The following RLBP1 variants were observed in gnomAD, a reference collection of about 807,000 sequenced individuals.
RLBP1 encodes retinaldehyde binding protein 1.
Under a neutral mutation model 36.2 loss-of-function variants are expected in RLBP1, and 26 were observed. That is an observed-to-expected ratio of 0.72 (90% confidence interval 0.53 to 1.00). The LOEUF (loss-of-function observed/expected upper bound fraction) is 1.00, where lower values mean the gene tolerates loss of function less well. Among genes scored for constraint, RLBP1 ranks in the 50% least tolerant of loss-of-function variants. The probability of loss-of-function intolerance (pLI) is 0.00; values close to 1 mark genes in which losing one functional copy is unlikely to be tolerated. For synonymous variants in RLBP1, 155 were observed against 156.2 expected, an observed-to-expected ratio of 0.99 and a Z score of 0.06; for missense variants, 410 against 402.4, an observed-to-expected ratio of 1.02 and a Z score of -0.16.
chr15:89,210,416 C>T lies in RLBP1; in HGVS notation c.823G>A (p.Gly275Ser). The T allele has an allele frequency of 6.2e-7, 1 of 1,614,234 alleles. No individual in the cohort carries two copies. The highest frequency in any genetic ancestry group is 8.5e-7 in the Non-Finnish European group (1 of 1,180,044). ...RVFVHGDDLS[G>S]FYQEIDENIL... Reference sequence around the variant, plus strand: ...TTCTCATCGATCTCCTGGTAGAAACCAGAAAGGTCATCCCCGTGGACAAAG... The same window carrying T: ...TTCTCATCGATCTCCTGGTAGAAACTAGAAAGGTCATCCCCGTGGACAAAG... Residue 275 changes from glycine to serine, a missense_variant, in exon 9 of 9, where the codon GGT (glycine) becomes AGT (serine). By Grantham distance (56) the Gly-to-Ser change is moderately conservative. Transcript: ENST00000268125. The surrounding 1 kb of genome is among the most constrained non-coding windows in gnomAD (Gnocchi z 4.7).
chr15:89,214,875 G>C lies in RLBP1; in HGVS notation c.525+185C>G, dbSNP rs1322717605. On this transcript the variant is annotated intron_variant, in intron 6 of 8. Transcript: ENST00000268125. The surrounding 1 kb of genome is among the most constrained non-coding windows in gnomAD (Gnocchi z 4.6). ...ACCTGCAAAGCTACTGGGTTTTCCA[G>C]CTGCCCTGGCACATCCTAGGAATTC... Among the ~76,000 whole-genome samples the C allele has an allele frequency of 6.6e-6, 1 of 152,204 alleles. No individual in the cohort carries two copies. The highest frequency in any genetic ancestry group is 1.5e-5 in the Non-Finnish European group (1 of 68,022).
chr15:89,220,843 C>A (rs559662972), intron 1 of RLBP1, among the ~76,000 whole-genome samples: 12 of 152,238 alleles, frequency 7.9e-5, no homozygotes, highest in Non-Finnish European at 1.6e-4. Flanking sequence ...CGTGCGGCAA[C>A]TCTTTTCTAA....
rs930837877 is a variant in RLBP1 at position 89,218,305 on chromosome 15, T to C, written c.141+260A>G. 6.6e-6 allele frequency among the ~76,000 whole-genome samples: 1 copy of C among 152,174 alleles called. No homozygotes were observed. On this transcript the variant is annotated intron_variant, in intron 4 of 8. Coordinates refer to ENST00000268125, the MANE Select transcript of RLBP1 (RefSeq NM_000326.5). This position sits in a 1 kb window ranked among gnomAD's most constrained non-coding sequence, Gnocchi z 4.6. ...CATTTCCAAACCAATGCTTCTCATA[T>C]TGAGTCTAGTTTAGAGGGCCCTAGT... is the stretch of plus-strand genomic sequence containing the variant.
rs2150968673 is a variant in RLBP1 at position 89,210,699 on chromosome 15, CCTCTCAAGCAGCTTG to C, written c.780_794del (p.Ser260_Glu264del). ...TTGTCTGGGCGGCCCACGTACTCAC[CCTCTCAAGCAGCTTG>C]CTCTTCAAGAAGGGCTTGACCACAT... On this transcript the variant is annotated inframe_deletion and splice_region_variant, in exon 8 of 9. Transcript: ENST00000268125. This position sits in a 1 kb window ranked among gnomAD's most constrained non-coding sequence, Gnocchi z 4.7. 5 of 1,588,120 alleles carry C rather than the reference CCTCTCAAGCAGCTTG, an allele frequency of 3.1e-6. No individual in the cohort carries two copies. Among genetic ancestry groups the C allele is most frequent in the Non-Finnish European group, 4.3e-6 (5 of 1,164,502 alleles).
In RLBP1 at chr15:89,219,105, T is replaced by C. The variant is rs1286246259; in HGVS notation, c.-100-30A>G. On this transcript the variant is annotated intron_variant, in intron 2 of 8. Transcript: ENST00000268125. Reference sequence around the variant, plus strand: ...AGGGGTTAGAAAAACCATTCTGTTATTGTCTCAGAACTGTGGATCTCAAAC... The same window carrying C: ...AGGGGTTAGAAAAACCATTCTGTTACTGTCTCAGAACTGTGGATCTCAAAC... The C allele has an allele frequency of 1.4e-5, 15 of 1,057,334 alleles. No individual in the cohort carries two copies. The Admixed American group carries it at 1.6e-4, about 11-fold the overall frequency. The allele number at this position is 1,057,334 out of a possible 1,614,324, so 65.5% of individuals were successfully genotyped here.
In RLBP1 at chr15:89,210,705, A is replaced by T. The variant is rs769052745; in HGVS notation, c.789T>A (p.Leu263=). 17 of 1,592,398 alleles carry T rather than the reference A, an allele frequency of 1.1e-5. No homozygotes were observed. The South Asian group carries it at 1.7e-4, about 16-fold the overall frequency. Residue 263 remains leucine, a synonymous_variant, in exon 8 of 9, where the codon CTT becomes CTA. Coordinates refer to ENST00000268125, the MANE Select transcript of RLBP1 (RefSeq NM_000326.5). The surrounding 1 kb of genome is among the most constrained non-coding windows in gnomAD (Gnocchi z 4.7). The part of the protein sequence containing the change: ...VVKPFLKSKL[L]ERVFVHGDDL... ...GGGCGGCCCACGTACTCACCCTCTC[A>T]AGCAGCTTGCTCTTCAAGAAGGGCT...
Position 89,210,205 on chromosome 15 carries a change from C to A in RLBP1, c.*80G>T. The A allele has an allele frequency of 3.9e-6, 6 of 1,541,642 alleles. No individual in the cohort carries two copies. The highest frequency in any genetic ancestry group is 5.4e-6 in the Non-Finnish European group (6 of 1,121,338). On this transcript the variant is annotated 3_prime_UTR_variant, in exon 9 of 9. Coordinates refer to ENST00000268125, the MANE Select transcript of RLBP1 (RefSeq NM_000326.5). This position sits in a 1 kb window ranked among gnomAD's most constrained non-coding sequence, Gnocchi z 4.7. ...GGGGGACCACAGTCATCTCAAGCAGCCCTTTCCTAGCCTTGGGTCCAGGAC... is the reference window on the plus strand; with the variant it reads ...GGGGGACCACAGTCATCTCAAGCAGACCTTTCCTAGCCTTGGGTCCAGGAC...
At chr15:89,213,986 A>T (rs756916614) in intron 6 of RLBP1, among the ~76,000 whole-genome samples, 3 of 152,190 alleles carry the variant, frequency 2.0e-5, no homozygotes, top group Non-Finnish European at 4.4e-5. Flanking sequence ...AATCTCTATC[A>T]TCGAAACAGT....
intron 6 of RLBP1, among the ~76,000 whole-genome samples, chr15:89,212,868 A>G (rs2150969546): frequency 6.6e-6 from 1 of 151,840 alleles, no homozygotes; most frequent in African/African-American, 2.4e-5. Context: ...AGCTGGGATT[A>G]CAGGTGCCTG....
At chr15:89,215,957 A>C (rs1449994650) in intron 5 of RLBP1, among the ~76,000 whole-genome samples, 4 of 152,144 alleles carry the variant, frequency 2.6e-5, no homozygotes. Flanking sequence ...TTCCCTTTGC[A>C]CTGGGACTTC....
At chr15:89,219,101 G>C (rs2051607015) in intron 2 of RLBP1, 26 bp from the exon 3 acceptor site, 1 of 1,089,206 alleles carries the variant, frequency 9.2e-7, no homozygotes, top group African/African-American at 1.5e-5. Flanking sequence ...AAACCATTCT[G>C]TTATTGTCTC....
At position 89,217,310 on chromosome 15, in the gene RLBP1, C is replaced by T. The variant is rs1396988380; in HGVS notation, c.156G>A (p.Leu52=). 3.7e-6 allele frequency: 6 copies of T among 1,606,018 alleles called. No individual in the cohort carries two copies. The highest frequency in any genetic ancestry group is 2.7e-5 in the African/African-American group (2 of 74,938). Residue 52 remains leucine, a synonymous_variant, in exon 5 of 9, where the codon CTG becomes CTA. Coordinates refer to ENST00000268125, the MANE Select transcript of RLBP1 (RefSeq NM_000326.5). ...RHTLQKAKDE[L]NEREETREEA... is the part of the protein sequence containing the mutation. ...CCTCCCGGGTCTCCTCTCTCTCGTTCAGCTCATCCTTGGCCTAGAACAGGG... is the reference window on the plus strand; with the variant it reads ...CCTCCCGGGTCTCCTCTCTCTCGTTTAGCTCATCCTTGGCCTAGAACAGGG...
At chr15:89,216,314 T>C (rs1340514580) in intron 5 of RLBP1, among the ~76,000 whole-genome samples, 18 of 127,776 alleles carry the variant, frequency 1.4e-4, no homozygotes, top group East Asian at 5.8e-4. Flanking sequence ...AACCACCCCC[T>C]TTTTTTTTTT....
chr15:89,217,003 G>T, intron 5 of RLBP1, 117 bp downstream of exon 5: 1 of 1,070,416 alleles, frequency 9.3e-7, no homozygotes, highest in Non-Finnish European at 1.4e-6. Flanking sequence ...TGGAGGCTCA[G>T]AGAAACTGAC....
chr15:89,211,770 A>T lies in RLBP1; in HGVS notation c.657T>A (p.Asp219Glu). Residue 219 changes from aspartate to glutamate, a missense_variant, in exon 7 of 9, where the codon GAT becomes GAA. By Grantham distance (45) the Asp-to-Glu change is conservative. Transcript: ENST00000268125. This position sits in a 1 kb window ranked among gnomAD's most constrained non-coding sequence, Gnocchi z 5.8. ...GGAGCATGTCCACCATCTTCCTGAG[A>T]TCTGAAGTCCGGAGACTAGCAGCCT... ...MQQAASLRTS[D>E]LRKMVDMLQD... The T allele has an allele frequency of 6.2e-7, 1 of 1,614,022 alleles. No individual in the cohort carries two copies. The highest frequency in any genetic ancestry group is 2.2e-5 in the East Asian group (1 of 44,880).
chr15:89,217,373 G>A, intron 4 of RLBP1, 49 bp from the exon 5 acceptor site: 4 of 1,570,400 alleles, frequency 2.5e-6, no homozygotes, highest in Non-Finnish European at 3.5e-6. Flanking sequence ...TGCGGGTGAG[G>A]GGCAGGACAC....
At chr15:89,212,626 G>A (rs900666696) in intron 6 of RLBP1, among the ~76,000 whole-genome samples, 13 of 57,312 alleles carry the variant, frequency 2.3e-4, no homozygotes, top group African/African-American at 7.8e-4. Flanking sequence ...GTGTGTGCGC[G>A]TGTGTGTGTG....
rs2051532648 is a variant in RLBP1 at position 89,210,897 on chromosome 15, T to C, written c.685-88A>G. 1 of 878,622 alleles carries C rather than the reference T, an allele frequency of 1.1e-6. No homozygotes were observed. The highest frequency in any genetic ancestry group is 1.7e-5 in the African/African-American group (1 of 59,740). 54.4% of individuals were successfully genotyped at this position (878,622 alleles called of 1,614,324 possible). A position where few individuals can be genotyped will look rare whatever the true frequency, so the allele number is the denominator to read the frequency against. ...TTCCCTGCTGCCTCTCCTCATGGCATAGAACAGACTTGTCCAGCATCACAG... is the reference window on the plus strand; with the variant it reads ...TTCCCTGCTGCCTCTCCTCATGGCACAGAACAGACTTGTCCAGCATCACAG... On this transcript the variant is annotated intron_variant, in intron 7 of 8. Coordinates refer to ENST00000268125, the MANE Select transcript of RLBP1 (RefSeq NM_000326.5). The surrounding 1 kb of genome is among the most constrained non-coding windows in gnomAD (Gnocchi z 4.7).
chr15:89,212,559 T>A (rs2051546729), intron 6 of RLBP1, among the ~76,000 whole-genome samples: 1 of 135,766 alleles, frequency 7.4e-6, no homozygotes, highest in Non-Finnish European at 1.5e-5. Context: ...CTCTCCAACC[T>A]AGGCGACAAG....
Sources: allele counts gnomAD v4.1 joint callset (sites outside exome capture counted in the v4.1 genomes callset), GRCh38; gene constraint gnomAD v4.1.1; non-coding constraint Gnocchi (gnomAD v3.1); transcripts MANE v1.5; gene names NCBI Gene and HGNC (gene_info 2026-07-23, HGNC 2026-07-21).